The following DNMT3A variants were observed in gnomAD, a reference collection of about 807,000 sequenced individuals.
DNMT3A encodes DNA (cytosine-5)-methyltransferase 3A.
A neutral mutation model predicts 117.6 loss-of-function variants in DNMT3A; 267 were observed. The ratio of observed to expected loss-of-function variants is 2.27; its 90% CI spans 2.05 to 2.51. The LOEUF (loss-of-function observed/expected upper bound fraction) is 2.51, where lower values mean the gene tolerates loss of function less well. DNMT3A is among the 30% of genes most tolerant of loss of function. The pLI, the probability that DNMT3A is intolerant of heterozygous loss-of-function variation, is 0.00. For synonymous variants in DNMT3A, 432 were observed against 474.8 expected (o/e 0.91, Z 1.17); for missense variants, 1,029 against 1,260.2 (o/e 0.82, Z 2.78).
chr2:25,247,153 A>T lies in DNMT3A; in HGVS notation c.1020T>A (p.Cys340Ter). 6.2e-7 allele frequency: 1 copy of T among 1,613,812 alleles called. No individual in the cohort carries two copies. The highest frequency in any genetic ancestry group is 8.5e-7 in the Non-Finnish European group (1 of 1,179,878). The change falls in exon 9 of 23, where the codon TGT (cysteine) becomes TGA (stop). Residue 340 changes from cysteine (C) to a stop codon, truncating the protein, a stop_gained. Coordinates refer to ENST00000321117, the MANE Select transcript of DNMT3A (RefSeq NM_022552.5). LOFTEE classifies it high-confidence loss of function. The surrounding 1 kb of genome is among the most constrained non-coding windows in gnomAD (Gnocchi z 5.6). ...WFGDGKFSVVCVEKLMPLSSF... is the reference protein window; with the variant it reads ...WFGDGKFSVV ...AGCTCAGCGGCATCAGCTTCTCAACACACACCTGGGGGGACAAGCCAGGCC... is the reference window on the plus strand; with the variant it reads ...AGCTCAGCGGCATCAGCTTCTCAACTCACACCTGGGGGGACAAGCCAGGCC...
intron 1 of DNMT3A, among the ~76,000 whole-genome samples, chr2:25,338,724 AGCATGGG>A (rs1286537078): frequency 6.6e-6 from 1 of 152,182 alleles, no homozygotes; most frequent in Non-Finnish European, 1.5e-5. Context: ...TAAGAGGTAT[AGCATGGG>A]GCATCTTCCC....
Position 25,252,143 on chromosome 2 carries a change from C to T in DNMT3A, c.640-3891G>A. The stretch of plus-strand genomic sequence containing the variant: ...GGGCTGCGGAGATCCTCCCACCGGC[C>T]CTGCCGCCTCCCCGCCCCCGGTCTC... On this transcript the variant is annotated intron_variant, in intron 6 of 22. Transcript: ENST00000321117. The surrounding 1 kb of genome is among the most constrained non-coding windows in gnomAD (Gnocchi z 5.5). 2 of 1,545,642 alleles carry T rather than the reference C, an allele frequency of 1.3e-6. No homozygotes were observed. Among genetic ancestry groups the T allele is most frequent in the Non-Finnish European group, 1.7e-6 (2 of 1,145,904 alleles).
intron 2 of DNMT3A, among the ~76,000 whole-genome samples, chr2:25,312,908 A>G (rs1456975881): frequency 6.6e-6 from 1 of 152,096 alleles, no homozygotes; most frequent in Admixed American, 6.6e-5. Flanking sequence ...TGCCCCCATG[A>G]GCATGCCCAG....
intron 1 of DNMT3A, among the ~76,000 whole-genome samples, chr2:25,329,314 G>A (rs1425994902): frequency 2.0e-5 from 3 of 152,176 alleles, no homozygotes; most frequent in African/African-American, 7.2e-5. Context: ...AGCGGGGTGA[G>A]AAAGAGTCCC....
intron 3 of DNMT3A, among the ~76,000 whole-genome samples, chr2:25,297,120 C>T (rs564325846): frequency 6.6e-6 from 1 of 152,176 alleles, no homozygotes; most frequent in Non-Finnish European, 1.5e-5. Flanking sequence ...GCACCTGCGA[C>T]CACAAGGGCT....
intron 6 of DNMT3A, among the ~76,000 whole-genome samples, chr2:25,253,386 T>TA (rs1675823571): frequency 6.6e-6 from 1 of 151,980 alleles, no homozygotes. Flanking sequence ...ATGCCACAAA[T>TA]ACCAAGTAGA....
Position 25,252,140 on chromosome 2 carries a change from G to C in DNMT3A, c.640-3888C>G, listed in dbSNP as rs2149325888. Reference sequence around the variant, plus strand: ...GGAGGGCTGCGGAGATCCTCCCACCGGCCCTGCCGCCTCCCCGCCCCCGGT... The same window carrying C: ...GGAGGGCTGCGGAGATCCTCCCACCCGCCCTGCCGCCTCCCCGCCCCCGGT... On this transcript the variant is annotated intron_variant, in intron 6 of 22. Transcript: ENST00000321117. This position sits in a 1 kb window ranked among gnomAD's most constrained non-coding sequence, Gnocchi z 5.5. 3 of 1,542,466 alleles carry C rather than the reference G, an allele frequency of 1.9e-6. No homozygotes were observed. The highest frequency in any genetic ancestry group is 2.6e-6 in the Non-Finnish European group (3 of 1,144,038).
chr2:25,246,772 GC>G lies in DNMT3A; in HGVS notation c.1126del (p.Ala376ProfsTer31), dbSNP rs1383888539. ...RKAIYEVLQV[A>X]SSRAGKLFPV... ...GAACAGCTTCCCCGCGCGGCTGCTGGCCACCTGGAGGGTGACACGCCAGGGT... is the reference window on the plus strand; with the variant it reads ...GAACAGCTTCCCCGCGCGGCTGCTGGCACCTGGAGGGTGACACGCCAGGGT... On this transcript the variant is annotated frameshift_variant, in exon 10 of 23. Transcript: ENST00000321117. LOFTEE classifies it high-confidence loss of function. 6.2e-7 allele frequency: 1 copy of G among 1,613,206 alleles called. No homozygotes were observed. The highest frequency in any genetic ancestry group is 8.5e-7 in the Non-Finnish European group (1 of 1,179,956).
At chr2:25,273,596 A>C (rs1281536234) in intron 6 of DNMT3A, among the ~76,000 whole-genome samples, 1 of 152,102 alleles carries the variant, frequency 6.6e-6, no homozygotes, top group Non-Finnish European at 1.5e-5. Context: ...TTCTCTACTA[A>C]TCAAACATAC....
rs1018324007 is a variant in DNMT3A, at chr2:25,314,319, C to T, written c.-177-158G>A. On this transcript the variant is annotated intron_variant, in intron 1 of 22. Coordinates refer to ENST00000321117, the MANE Select transcript of DNMT3A (RefSeq NM_022552.5). ...AGAGCAGAGAAACCGAGGCAGGCTC[C>T]CTTCAGGGCCACCTCCTACCCCAGC... The T allele has an allele frequency of 5.8e-4, 569 of 985,302 alleles. 4 individuals carry two copies. The highest frequency in any genetic ancestry group is 4.7e-4 in the Non-Finnish European group (393 of 829,894). The allele number at this position is 985,302 out of a possible 1,614,324, so 61.0% of individuals were successfully genotyped here. A position where few individuals can be genotyped will look rare whatever the true frequency, so the allele number is the denominator to read the frequency against.
Position 25,311,982 on chromosome 2 carries a change from G to A in DNMT3A, c.72+1931C>T, listed in dbSNP as rs568925242. Among the ~76,000 whole-genome samples, 5 of 152,268 alleles carry A rather than the reference G, an allele frequency of 3.3e-5. No homozygotes were observed. Among genetic ancestry groups the A allele is most frequent in the African/African-American group, 9.6e-5 (4 of 41,574 alleles). Reference sequence around the variant, plus strand: ...CGCAGCCCAGAGCAGCAGCAGCGGCGTGGGAGTACAGTCCAGTAACAGGAG... The same window carrying A: ...CGCAGCCCAGAGCAGCAGCAGCGGCATGGGAGTACAGTCCAGTAACAGGAG... On this transcript the variant is annotated intron_variant, in intron 2 of 22. Transcript: ENST00000321117. This position sits in a 1 kb window ranked among gnomAD's most constrained non-coding sequence, Gnocchi z 5.2.
In DNMT3A at chr2:25,244,560, GC is replaced by G; in HGVS notation, c.1646del (p.Cys549SerfsTer102). On this transcript the variant is annotated frameshift_variant, in exon 14 of 23. Coordinates refer to ENST00000321117, the MANE Select transcript of DNMT3A (RefSeq NM_022552.5). LOFTEE classifies it high-confidence loss of function. ...CTCACCTGCAGCAGTTGTTGTTTCC[GC>G]ACATGAGCACCTCACGGCCCCCACA... is the stretch of plus-strand genomic sequence containing the variant. ...ICCGGREVLM[C>X]GNNNCCRCFC... The G allele has an allele frequency of 6.2e-7, 1 of 1,614,186 alleles. No individual in the cohort carries two copies. The highest frequency in any genetic ancestry group is 8.5e-7 in the Non-Finnish European group (1 of 1,180,022).
chr2:25,287,552 C>T (rs1054148048), intron 3 of DNMT3A, among the ~76,000 whole-genome samples: 1 of 152,134 alleles, frequency 6.6e-6, no homozygotes, highest in Non-Finnish European at 1.5e-5. Flanking sequence ...CTGTGAGCAG[C>T]TTTTTGAGGC....
At position 25,305,565 on chromosome 2, in the gene DNMT3A, C is replaced by T. The variant is rs1266322918; in HGVS notation, c.73-5322G>A. 2.0e-5 allele frequency among the ~76,000 whole-genome samples: 3 copies of T among 152,174 alleles called. No homozygotes were observed. Among genetic ancestry groups the T allele is most frequent in the Non-Finnish European group, 4.4e-5 (3 of 68,024 alleles). ...TTTTTTCTGTTACACAGATGAAACA[C>T]CTGAAGCTCAGAGAGATTATCTGAC... On this transcript the variant is annotated intron_variant, in intron 2 of 22. Coordinates refer to ENST00000321117, the MANE Select transcript of DNMT3A (RefSeq NM_022552.5). This position sits in a 1 kb window ranked among gnomAD's most constrained non-coding sequence, Gnocchi z 4.1.
At chr2:25,291,708 A>T (rs1228126209) in intron 3 of DNMT3A, among the ~76,000 whole-genome samples, 1 of 152,144 alleles carries the variant, frequency 6.6e-6, no homozygotes, top group Non-Finnish European at 1.5e-5. Context: ...CTCCCCAGAG[A>T]TCTCTCCACC....
rs1321295330 is a variant in DNMT3A at position 25,296,114 on chromosome 2, A to C, written c.177+4025T>G. ...CTCAGTTCTGTACCGACAGGTGACA[A>C]CAAATGCTTCTCAAAGTGAGGTCTG... is the stretch of plus-strand genomic sequence containing the variant. On this transcript the variant is annotated intron_variant, in intron 3 of 22. Transcript: ENST00000321117. This position sits in a 1 kb window ranked among gnomAD's most constrained non-coding sequence, Gnocchi z 4.2. Among the ~76,000 whole-genome samples the C allele has an allele frequency of 1.3e-5, 2 of 152,254 alleles. No homozygotes were observed. The highest frequency in any genetic ancestry group is 2.9e-5 in the Non-Finnish European group (2 of 68,044).
rs1675916237 is a variant in DNMT3A, at chr2:25,254,207, A to G, written c.640-5955T>C. 6.6e-6 allele frequency among the ~76,000 whole-genome samples: 1 copy of G among 152,092 alleles called. No homozygotes were observed. Among genetic ancestry groups the G allele is most frequent in the African/African-American group, 2.4e-5 (1 of 41,408 alleles). On this transcript the variant is annotated intron_variant, in intron 6 of 22. Transcript: ENST00000321117. This position sits in a 1 kb window ranked among gnomAD's most constrained non-coding sequence, Gnocchi z 4.7. ...TGACATCAGCCCTCTTTGGCCATGG[A>G]ACGCCACCATCTCCTAATGACAATG... is the stretch of plus-strand genomic sequence containing the variant.
chr2:25,291,608 G>T (rs1053724937), intron 3 of DNMT3A, among the ~76,000 whole-genome samples: 1 of 152,244 alleles, frequency 6.6e-6, no homozygotes, highest in Non-Finnish European at 1.5e-5. Flanking sequence ...ACAGAGGGCC[G>T]ACTCTGGAAA....
At chr2:25,249,549 A>T (rs923491247) in intron 6 of DNMT3A, 15 of 1,263,894 alleles carry the variant, frequency 1.2e-5, no homozygotes, top group Middle Eastern at 3.8e-4. Flanking sequence ...TCATTCAGTT[A>T]TTTACTGAGC....
Sources: allele counts gnomAD v4.1 joint callset (sites outside exome capture counted in the v4.1 genomes callset), GRCh38; gene constraint gnomAD v4.1.1; non-coding constraint Gnocchi (gnomAD v3.1); transcripts MANE v1.5; gene names NCBI Gene and HGNC (gene_info 2026-07-23, HGNC 2026-07-21).